The following DNAH8 variants were observed in gnomAD, a reference collection of about 807,000 sequenced individuals.
DNAH8 encodes the protein axonemal beta dynein heavy chain 8.
A neutral mutation model predicts 562.1 loss-of-function variants in DNAH8; 382 were observed. The observed-to-expected ratio is 0.68, with a 90% CI of 0.63 to 0.74. The LOEUF is 0.74. Among genes scored for constraint, DNAH8 ranks in the 30% least tolerant of loss-of-function variants. DNAH8 has a pLI of 0.00. For missense variants in DNAH8, 5,203 were observed against 5,620.4 expected, an observed-to-expected ratio of 0.93 and a Z score of 2.37; for synonymous variants, 1,881 against 1,919.4, an observed-to-expected ratio of 0.98 and a Z score of 0.52.
intron 53 of DNAH8, among the ~76,000 whole-genome samples, chr6:38,877,734 C>A (rs1246008677): frequency 1.3e-5 from 2 of 152,124 alleles, no homozygotes; most frequent in African/African-American, 2.4e-5. Flanking sequence ...AGACTTCATT[C>A]ATAGATTTAA....
At chr6:38,944,250 G>A (rs952159022) in intron 79 of DNAH8, among the ~76,000 whole-genome samples, 1 of 152,178 alleles carries the variant, frequency 6.6e-6, no homozygotes, top group African/African-American at 2.4e-5. Flanking sequence ...CAGAGGGGCC[G>A]ACAGTAAGAA....
chr6:38,804,759 A>AAGAGAGAGAG (rs137967997), intron 22 of DNAH8, among the ~76,000 whole-genome samples: 2,158 of 111,086 alleles, frequency 0.019, 51 homozygotes, highest in African/African-American at 0.058. Flanking sequence ...ACATAGCAAG[A>AAGAGAGAGAG]AGAGAGAGAG....
At chr6:38,915,679 A>T (rs970316348) in intron 68 of DNAH8, among the ~76,000 whole-genome samples, 1 of 152,166 alleles carries the variant, frequency 6.6e-6, no homozygotes, top group African/African-American at 2.4e-5. Context: ...CAGTTTCTCC[A>T]GCATCCCTTC....
chr6:38,791,454 T>C, intron 20 of DNAH8, 101 bp from the exon 21 acceptor site: 1 of 1,358,730 alleles, frequency 7.4e-7, no homozygotes, highest in South Asian at 1.6e-5. Flanking sequence ...GTTTCTAGAC[T>C]TAGCCTTCTA....
intron 70 of DNAH8, among the ~76,000 whole-genome samples, chr6:38,921,135 G>A (rs960059664): frequency 1.3e-5 from 2 of 152,048 alleles, no homozygotes; most frequent in Admixed American, 1.3e-4. Flanking sequence ...GTGATCCTCA[G>A]CCTCTCAAAG....
intron 24 of DNAH8, among the ~76,000 whole-genome samples, chr6:38,808,946 G>A (rs1771549159): frequency 6.6e-6 from 1 of 152,164 alleles, no homozygotes; most frequent in South Asian, 2.1e-4. Flanking sequence ...GTCAGGGGGT[G>A]TGGGGATAGG....
chr6:38,996,593 C>T (rs1282085210), intron 88 of DNAH8, among the ~76,000 whole-genome samples: 1 of 152,160 alleles, frequency 6.6e-6, no homozygotes, highest in Non-Finnish European at 1.5e-5. Context: ...TAATCGACAC[C>T]TCGGGTACCC....
At chr6:38,808,130 A>C (rs898166674) in intron 24 of DNAH8, among the ~76,000 whole-genome samples, 2 of 152,188 alleles carry the variant, frequency 1.3e-5, no homozygotes, top group African/African-American at 2.4e-5. Flanking sequence ...TTACACTTCT[A>C]TGTAGTTGGA....
chr6:38,925,936 T>C, intron 73 of DNAH8, 119 bp from the exon 74 acceptor site: 1 of 952,732 alleles, frequency 1.0e-6, no homozygotes, highest in Non-Finnish European at 1.5e-6. Context: ...ACAAGTTGCA[T>C]AGTCTCAAAG....
chr6:38,728,655 A>T (rs969223924), intron 3 of DNAH8, among the ~76,000 whole-genome samples: 6 of 152,140 alleles, frequency 3.9e-5, no homozygotes. Flanking sequence ...CGGGAGGTGG[A>T]AGAGTAGAGA....
intron 21 of DNAH8, among the ~76,000 whole-genome samples, chr6:38,793,861 T>C (rs1011019080): frequency 1.3e-5 from 2 of 152,270 alleles, no homozygotes; most frequent in African/African-American, 4.8e-5. Context: ...TGCTCTGTGC[T>C]GTTTCTACCA....
chr6:38,889,137 A>G (rs1419159851), intron 57 of DNAH8, among the ~76,000 whole-genome samples: 1 of 152,230 alleles, frequency 6.6e-6, no homozygotes, highest in South Asian at 2.1e-4. Context: ...ATTTATCACT[A>G]GTAAAACTGG....
chr6:38,918,899 G>T (rs1404621874), intron 70 of DNAH8, among the ~76,000 whole-genome samples: 2 of 152,114 alleles, frequency 1.3e-5, no homozygotes, highest in African/African-American at 4.8e-5. Context: ...TGGGCAGGGG[G>T]TTACTGTTTT....
chr6:39,014,724 A>G (rs944768215), intron 91 of DNAH8, among the ~76,000 whole-genome samples: 1 of 152,188 alleles, frequency 6.6e-6, no homozygotes, highest in African/African-American at 2.4e-5. Context: ...GAGCAAAAAC[A>G]AGTCTTGTTC....
Position 38,860,620 on chromosome 6 carries a change from TAAC to T in DNAH8, c.6124_6126del (p.Thr2042del). On this transcript the variant is annotated inframe_deletion, in exon 43 of 93. Coordinates refer to ENST00000327475, the MANE Select transcript of DNAH8 (RefSeq NM_001206927.2). Reference sequence around the variant, plus strand: ...ACTGATCGTCTTGTTATCACTCCATTAACAGATAGGTAGGAAACCCAGTTTTCG... The same window carrying T: ...ACTGATCGTCTTGTTATCACTCCATTAGATAGGTAGGAAACCCAGTTTTCG... The T allele has an allele frequency of 6.5e-7, 1 of 1,528,354 alleles. No individual in the cohort carries two copies. The highest frequency in any genetic ancestry group is 8.7e-7 in the Non-Finnish European group (1 of 1,148,910). The allele number at this position is 1,528,354 out of a possible 1,614,324, so 94.7% of individuals were successfully genotyped here.
chr6:38,730,686 G>A (rs1490911729), intron 4 of DNAH8, among the ~76,000 whole-genome samples: 1 of 152,090 alleles, frequency 6.6e-6, no homozygotes, highest in Non-Finnish European at 1.5e-5. Context: ...ATCTTTTATT[G>A]TTCTGCTGTT....
chr6:38,926,352 T>C, intron 74 of DNAH8, 142 bp downstream of exon 74: 2 of 820,268 alleles, frequency 2.4e-6, no homozygotes, highest in South Asian at 3.7e-5. Flanking sequence ...TAACAGCAAT[T>C]TGGGGCAACA....
chr6:38,778,454 C>T lies in DNAH8; in HGVS notation c.2029C>T (p.Leu677=), dbSNP rs1401510479. ...CTTATCTTCTCAGCAGGCTCTTCAG[C>T]TACTTCAAAGGTATTCATAACACTT... ...KILSSQQALQ[L]LQRFQKLNIP... is the part of the protein sequence containing the mutation. Residue 677 remains leucine (L), a synonymous_variant, in exon 14 of 93, where the codon CTA becomes TTA. Transcript: ENST00000327475. 1.9e-6 allele frequency: 3 copies of T among 1,589,254 alleles called. No individual in the cohort carries two copies. The highest frequency in any genetic ancestry group is 1.3e-5 in the African/African-American group (1 of 74,532).
chr6:38,857,830 C>T, intron 42 of DNAH8, 88 bp downstream of exon 42: 2 of 810,732 alleles, frequency 2.5e-6, no homozygotes, highest in South Asian at 1.8e-5. Flanking sequence ...ATGAACTTTC[C>T]ATTTACTTGG....
Sources: allele counts gnomAD v4.1 joint callset (sites outside exome capture counted in the v4.1 genomes callset), GRCh38; gene constraint gnomAD v4.1.1; transcripts MANE v1.5; gene names NCBI Gene and HGNC (gene_info 2026-07-23, HGNC 2026-07-21).